Variants in CIBAR1 observed in about 807,000 individuals in gnomAD.
CIBAR1 encodes the protein CBY1-interacting BAR domain-containing protein 1.
CIBAR1 carries 25 observed loss-of-function variants against 44.0 expected under a neutral mutation model. That is an observed-to-expected ratio of 0.57 (90% confidence interval 0.41 to 0.79). The LOEUF is 0.79. Among genes scored for constraint, CIBAR1 ranks in the 30% least tolerant of loss-of-function variants. The pLI is 0.00. For missense variants in CIBAR1, 278 were observed against 344.8 expected (o/e 0.81, Z 1.53); for synonymous variants, 115 against 119.0 (o/e 0.97, Z 0.22).
chr8:93,702,512 TG>T (rs1239736640), intron 2 of CIBAR1: 1 of 455,510 alleles, frequency 2.2e-6, no homozygotes, highest in Admixed American at 2.4e-5. Context: ...GCTTACCAAA[TG>T]GTGGAGGTCC....
chr8:93,723,152 T>G (rs1053666464), intron 7 of CIBAR1, among the ~76,000 whole-genome samples: 2 of 152,102 alleles, frequency 1.3e-5, no homozygotes, highest in Admixed American at 1.3e-4. Context: ...ACCCGCCACC[T>G]CGCCTGGCTA....
chr8:93,721,786 CTG>C (rs1439432797), intron 7 of CIBAR1, among the ~76,000 whole-genome samples: 2 of 151,092 alleles, frequency 1.3e-5, no homozygotes, highest in South Asian at 2.1e-4. Context: ...ACATTAAAAA[CTG>C]TGTAATGATT....
At chr8:93,711,105 G>A (rs974634228) in intron 6 of CIBAR1, among the ~76,000 whole-genome samples, 9 of 152,116 alleles carry the variant, frequency 5.9e-5, no homozygotes, top group African/African-American at 1.7e-4. Flanking sequence ...TAACACATAT[G>A]TAGATTTGAA....
chr8:93,722,003 A>T (rs1205964197), intron 7 of CIBAR1, among the ~76,000 whole-genome samples: 2 of 152,182 alleles, frequency 1.3e-5, no homozygotes, highest in Non-Finnish European at 2.9e-5. Flanking sequence ...CAGTGTATTT[A>T]AAACAACACA....
At chr8:93,711,791 A>G (rs768624675) in intron 6 of CIBAR1, among the ~76,000 whole-genome samples, 2 of 152,150 alleles carry the variant, frequency 1.3e-5, no homozygotes, top group African/African-American at 4.8e-5. Context: ...ATTTGTCTCT[A>G]TTCTGATCTT....
Position 93,718,655 on chromosome 8 carries a change from A to T in CIBAR1, c.544-20A>T. The stretch of plus-strand genomic sequence containing the variant: ...GAAATTTAAATCATTGTTTAAATTC[A>T]ATTCTTTGGTTTTTTTTAGACTATA... On this transcript the variant is annotated intron_variant, in intron 6 of 8. Coordinates refer to ENST00000518322, the MANE Select transcript of CIBAR1 (RefSeq NM_145269.5). 7.4e-7 allele frequency: 1 copy of T among 1,353,350 alleles called. No homozygotes were observed. Among genetic ancestry groups the T allele is most frequent in the Non-Finnish European group, 1.0e-6 (1 of 981,036 alleles). The allele number at this position is 1,353,350 out of a possible 1,614,324, so 83.8% of individuals were successfully genotyped here.
At chr8:93,704,147 T>C (rs1810482968) in intron 3 of CIBAR1, among the ~76,000 whole-genome samples, 1 of 151,956 alleles carries the variant, frequency 6.6e-6, no homozygotes, top group South Asian at 2.1e-4. Context: ...TTAAGAATAA[T>C]GAAATAGTTT....
intron 4 of CIBAR1, chr8:93,705,235 C>CA: frequency 2.3e-6 from 1 of 428,904 alleles, no homozygotes; most frequent in Non-Finnish European, 4.1e-6. Context: ...TGCAAACGAA[C>CA]AAACAAAAAA....
intron 6 of CIBAR1, among the ~76,000 whole-genome samples, chr8:93,714,518 C>G (rs1469255997): frequency 6.6e-6 from 1 of 152,134 alleles, no homozygotes; most frequent in Non-Finnish European, 1.5e-5. Context: ...CACATCATTC[C>G]TCATCACTGT....
At position 93,720,006 on chromosome 8, in the gene CIBAR1, CAG is replaced by C. The variant is rs1563648419; in HGVS notation, c.657+1221_657+1222del. 2.0e-5 allele frequency: 3 copies of C among 146,812 alleles called. No homozygotes were observed. In the Admixed American group the frequency reaches 2.1e-4, roughly 10 times the overall value. 9.1% of individuals were successfully genotyped at this position (146,812 alleles called of 1,614,324 possible). The stretch of plus-strand genomic sequence containing the variant: ...TTGTATCTTCCCCCGCCTTCCAAGA[CAG>C]AGTCTTGCTCTGTCACCCAGTCTGG... On this transcript the variant is annotated intron_variant, in intron 7 of 8. Coordinates refer to ENST00000518322, the MANE Select transcript of CIBAR1 (RefSeq NM_145269.5).
chr8:93,714,481 C>CT (rs768607418), intron 6 of CIBAR1, among the ~76,000 whole-genome samples: 3 of 152,178 alleles, frequency 2.0e-5, no homozygotes, highest in Non-Finnish European at 2.9e-5. Flanking sequence ...ATACCAGAGT[C>CT]TGTTAGGGTT....
intron 7 of CIBAR1, among the ~76,000 whole-genome samples, chr8:93,720,387 G>C (rs1182035134): frequency 6.6e-6 from 1 of 152,180 alleles, no homozygotes; most frequent in Non-Finnish European, 1.5e-5. Flanking sequence ...AGGTTAAAGA[G>C]AATGAAGAAA....
In CIBAR1 at chr8:93,728,107, T is replaced by C. The variant is rs1032003095; in HGVS notation, c.778-98T>C. The C allele has an allele frequency of 3.6e-5, 21 of 585,838 alleles. No individual in the cohort carries two copies. In the South Asian group the frequency reaches 6.6e-4, roughly 18 times the overall value. The allele number at this position is 585,838 out of a possible 1,614,324, so 36.3% of individuals were successfully genotyped here. On this transcript the variant is annotated intron_variant, in intron 8 of 8. Coordinates refer to ENST00000518322, the MANE Select transcript of CIBAR1 (RefSeq NM_145269.5). Reference sequence around the variant, plus strand: ...ATGACATGGACATTTTTTTGAAATATTTGTTGTGTGCCCTTTAATAGCATA... The same window carrying C: ...ATGACATGGACATTTTTTTGAAATACTTGTTGTGTGCCCTTTAATAGCATA...
At chr8:93,724,377 G>T (rs564682022) in intron 7 of CIBAR1, 1 of 328,610 alleles carries the variant, frequency 3.0e-6, no homozygotes, top group Non-Finnish European at 6.1e-6. Flanking sequence ...CCATGCTGGC[G>T]TGCAGTGGCA....
rs575211544 is a variant in CIBAR1, at chr8:93,728,789, A to G, written c.*492A>G. 6.6e-6 allele frequency: 1 copy of G among 152,232 alleles called. No individual in the cohort carries two copies. The highest frequency in any genetic ancestry group is 2.1e-4 in the South Asian group (1 of 4,832). The allele number at this position is 152,232 out of a possible 1,614,324, so 9.4% of individuals were successfully genotyped here. On this transcript the variant is annotated 3_prime_UTR_variant, in exon 9 of 9. Transcript: ENST00000518322. ...ATTTGATAAGTAAATTTACTTTTCA[A>G]GAAGAGTATAACCAAAGAGTAAAGA... is the stretch of plus-strand genomic sequence containing the variant.
Position 93,728,331 on chromosome 8 carries a change from G to C in CIBAR1, c.*34G>C, listed in dbSNP as rs750633969. 1 of 1,372,460 alleles carries C rather than the reference G, an allele frequency of 7.3e-7. No individual in the cohort carries two copies. The highest frequency in any genetic ancestry group is 2.0e-5 in the Admixed American group (1 of 50,656). The allele number at this position is 1,372,460 out of a possible 1,614,324, so 85.0% of individuals were successfully genotyped here. A position where few individuals can be genotyped will look rare whatever the true frequency, so the allele number is the denominator to read the frequency against. ...TTTCCATTTTCATCATAAATGACTT[G>C]AAATCCACAATGACTAAATTGTAGA... On this transcript the variant is annotated 3_prime_UTR_variant, in exon 9 of 9. Transcript: ENST00000518322.
intron 7 of CIBAR1, 77 bp from the exon 8 acceptor site, chr8:93,726,317 T>G (rs184423179): frequency 7.6e-7 from 1 of 1,315,690 alleles, no homozygotes; most frequent in South Asian, 1.6e-5. Context: ...AAAAAAAATC[T>G]TAACTAAGGA....
chr8:93,724,120 G>T (rs1254567707), intron 7 of CIBAR1, among the ~76,000 whole-genome samples: 1 of 152,126 alleles, frequency 6.6e-6, no homozygotes, highest in African/African-American at 2.4e-5. Context: ...CTACTCAGGA[G>T]GCTGAAGCAG....
intron 7 of CIBAR1, among the ~76,000 whole-genome samples, chr8:93,725,523 A>T (rs147471155): frequency 1.3e-5 from 2 of 152,274 alleles, no homozygotes; most frequent in East Asian, 3.9e-4. Context: ...TGATAAATAA[A>T]TGGAAAAGAA....
Sources: allele counts gnomAD v4.1 joint callset (sites outside exome capture counted in the v4.1 genomes callset), GRCh38; gene constraint gnomAD v4.1.1; transcripts MANE v1.5; gene names NCBI Gene and HGNC (gene_info 2026-07-23, HGNC 2026-07-21).